The following NKAIN2 variants were observed in gnomAD, a reference collection of about 807,000 sequenced individuals.
The protein encoded by NKAIN2 is sodium/potassium-transporting ATPase subunit beta-1-interacting protein 2.
A neutral mutation model predicts 32.6 loss-of-function variants in NKAIN2; 14 were observed. The observed-to-expected ratio is 0.43, with a 90% CI of 0.28 to 0.67. The LOEUF is 0.67. Ranked by LOEUF, NKAIN2 falls within the 30% of genes least tolerant of loss-of-function variation. NKAIN2 has a pLI of 0.17. For missense variants in NKAIN2, 198 were observed against 258.3 expected (o/e 0.77, Z 1.60); for synonymous variants, 80 against 87.2 (o/e 0.92, Z 0.46).
chr6:124,044,363 T>A (rs1036578296), intron 1 of NKAIN2, among the ~76,000 whole-genome samples: 1 of 151,906 alleles, frequency 6.6e-6, no homozygotes, highest in African/African-American at 2.4e-5. Context: ...AGACTTTGGG[T>A]TGGTGTTATT....
At chr6:124,147,278 A>G (rs1161638717) in intron 1 of NKAIN2, among the ~76,000 whole-genome samples, 1 of 152,238 alleles carries the variant, frequency 6.6e-6, no homozygotes. Context: ...ATGAGTGTTC[A>G]GGTCATCCCT....
At chr6:124,038,685 T>C (rs1475547743) in intron 1 of NKAIN2, among the ~76,000 whole-genome samples, 1 of 152,142 alleles carries the variant, frequency 6.6e-6, no homozygotes, top group African/African-American at 2.4e-5. Context: ...ATTTAGCTTA[T>C]AGTTTCTATA....
intron 1 of NKAIN2, among the ~76,000 whole-genome samples, chr6:124,038,153 A>C (rs898812935): frequency 6.6e-6 from 1 of 152,242 alleles, no homozygotes; most frequent in South Asian, 2.1e-4. Context: ...AAATCAACTA[A>C]CATGACCACA....
At chr6:124,161,412 C>T (rs1015009483) in intron 1 of NKAIN2, among the ~76,000 whole-genome samples, 7 of 152,108 alleles carry the variant, frequency 4.6e-5, no homozygotes, top group African/African-American at 1.7e-4. Context: ...TAAAATTTGA[C>T]ATGAGATTTG....
chr6:124,214,738 C>A (rs802247), intron 1 of NKAIN2, among the ~76,000 whole-genome samples: 105,210 of 152,072 alleles, frequency 0.69, 36,681 homozygotes, highest in South Asian at 0.76. Flanking sequence ...TTGTACACGT[C>A]TATTTCTACA....
chr6:124,749,072 A>G (rs1380470377), intron 4 of NKAIN2, among the ~76,000 whole-genome samples: 1 of 151,886 alleles, frequency 6.6e-6, no homozygotes, highest in Non-Finnish European at 1.5e-5. Flanking sequence ...TATTCAGGTC[A>G]TTGAAAGAAT....
intron 1 of NKAIN2, among the ~76,000 whole-genome samples, chr6:124,139,117 T>C (rs1483813342): frequency 7.6e-6 from 1 of 132,142 alleles, no homozygotes; most frequent in African/African-American, 3.0e-5. Context: ...AGTCTCGCTC[T>C]GTCGCCCAGG....
chr6:124,553,411 G>A (rs539640321), intron 3 of NKAIN2, among the ~76,000 whole-genome samples: 2 of 152,096 alleles, frequency 1.3e-5, no homozygotes, highest in Admixed American at 6.6e-5. Context: ...AGGTTCAAGC[G>A]ATTCTCCTGC....
chr6:124,811,925 C>G (rs1435270536), intron 5 of NKAIN2, among the ~76,000 whole-genome samples: 30 of 152,060 alleles, frequency 2.0e-4, no homozygotes, highest in Admixed American at 2.0e-3. Flanking sequence ...CAAATCCCTC[C>G]GACAAGGCAG....
intron 1 of NKAIN2, among the ~76,000 whole-genome samples, chr6:124,102,980 C>G (rs568128348): frequency 6.6e-6 from 1 of 151,976 alleles, no homozygotes; most frequent in Non-Finnish European, 1.5e-5. Context: ...ACTGGAAACA[C>G]GTATTAATTG....
intron 1 of NKAIN2, among the ~76,000 whole-genome samples, chr6:123,864,045 C>T (rs1185729077): frequency 6.6e-6 from 1 of 152,154 alleles, no homozygotes; most frequent in African/African-American, 2.4e-5. Context: ...CTACTACTTC[C>T]TCTAGCCTCA....
intron 4 of NKAIN2, among the ~76,000 whole-genome samples, chr6:124,759,045 T>C (rs1374074797): frequency 6.6e-6 from 1 of 152,176 alleles, no homozygotes; most frequent in Non-Finnish European, 1.5e-5. Context: ...TTAACGCTAT[T>C]CATTTTTGCC....
chr6:124,213,251 A>C (rs1791282565), intron 1 of NKAIN2, among the ~76,000 whole-genome samples: 1 of 152,068 alleles, frequency 6.6e-6, no homozygotes, highest in African/African-American at 2.4e-5. Flanking sequence ...TCCTTTCTCT[A>C]CTTTGAATTT....
At chr6:124,400,682 T>A (rs1218651693) in intron 3 of NKAIN2, among the ~76,000 whole-genome samples, 3 of 152,196 alleles carry the variant, frequency 2.0e-5, no homozygotes, top group African/African-American at 7.2e-5. Context: ...TAAACATTTT[T>A]AAATTATTTT....
chr6:124,044,589 A>AT (rs1432195246), intron 1 of NKAIN2, among the ~76,000 whole-genome samples: 1 of 152,062 alleles, frequency 6.6e-6, no homozygotes, highest in Non-Finnish European at 1.5e-5. Flanking sequence ...TGTCTGATGC[A>AT]TAGACTGTTG....
chr6:124,150,296 G>C (rs957848593), intron 1 of NKAIN2, among the ~76,000 whole-genome samples: 1 of 151,714 alleles, frequency 6.6e-6, no homozygotes, highest in Non-Finnish European at 1.5e-5. Flanking sequence ...GAAAGTTTTT[G>C]GTTAAAAAAA....
At chr6:124,044,709 G>A (rs2114818050) in intron 1 of NKAIN2, among the ~76,000 whole-genome samples, 1 of 152,136 alleles carries the variant, frequency 6.6e-6, no homozygotes, top group East Asian at 1.9e-4. Flanking sequence ...AGTTTAAATG[G>A]TATTTTTGAC....
chr6:124,068,014 T>C (rs1039802903), intron 1 of NKAIN2, among the ~76,000 whole-genome samples: 2 of 152,162 alleles, frequency 1.3e-5, no homozygotes, highest in Admixed American at 6.6e-5. Context: ...TAATCCATAA[T>C]ATAACTTTAT....
At chr6:124,326,661 T>C (rs1797429432) in intron 2 of NKAIN2, among the ~76,000 whole-genome samples, 1 of 152,202 alleles carries the variant, frequency 6.6e-6, no homozygotes, top group African/African-American at 2.4e-5. Flanking sequence ...TCTAGCAGTG[T>C]TCCTTCAGGG....
Sources: gnomAD v4.1 joint callset for allele counts (sites outside exome capture counted in the v4.1 genomes callset) on GRCh38, gnomAD v4.1.1 for gene constraint, MANE v1.5 for transcripts, NCBI Gene and HGNC (gene_info 2026-07-23, HGNC 2026-07-21) for gene names.